ROBO2: variants seen among roughly 807,000 people sequenced by gnomAD.
The protein encoded by ROBO2 is roundabout guidance receptor 2, also known as roundabout homolog 2.
A neutral mutation model predicts 160.8 loss-of-function variants in ROBO2; 53 were observed. The ratio of observed to expected loss-of-function variants is 0.33; its 90% CI spans 0.26 to 0.41. ROBO2 has a LOEUF of 0.41. Among genes scored for constraint, ROBO2 ranks in the 10% least tolerant of loss-of-function variants. ROBO2 has a pLI of 1.00. For synonymous variants in ROBO2, 664 were observed against 611.7 expected (o/e 1.09, Z -1.26); for missense variants, 1,577 against 1,722.4 (o/e 0.92, Z 1.49).
intron 2 of ROBO2, among the ~76,000 whole-genome samples, chr3:76,153,933 A>G (rs1384452447): frequency 6.6e-6 from 1 of 152,144 alleles, no homozygotes; most frequent in African/African-American, 2.4e-5. Context: ...ATATGGATAT[A>G]TTGATAGTAC....
intron 6 of ROBO2, among the ~76,000 whole-genome samples, chr3:77,534,535 C>T (rs2091963163): frequency 6.6e-6 from 1 of 152,060 alleles, no homozygotes; most frequent in African/African-American, 2.4e-5. Flanking sequence ...TGTCATGATA[C>T]ATATACTGTA....
chr3:77,591,820 A>T (rs1204387860), intron 17 of ROBO2, among the ~76,000 whole-genome samples: 1 of 152,134 alleles, frequency 6.6e-6, no homozygotes, highest in Non-Finnish European at 1.5e-5. Flanking sequence ...CAAGGCAAAC[A>T]CTTATTTGAA....
At chr3:76,776,454 G>T (rs1258843183) in intron 2 of ROBO2, among the ~76,000 whole-genome samples, 1 of 150,832 alleles carries the variant, frequency 6.6e-6, no homozygotes, top group East Asian at 2.0e-4. Context: ...CCAACTAAAA[G>T]GAAGATTGGT....
intron 2 of ROBO2, among the ~76,000 whole-genome samples, chr3:76,127,230 G>C (rs1383568702): frequency 6.6e-6 from 1 of 152,098 alleles, no homozygotes; most frequent in Non-Finnish European, 1.5e-5. Context: ...AACTCCACCA[G>C]TGGTAATTTG....
intron 2 of ROBO2, among the ~76,000 whole-genome samples, chr3:76,169,260 T>C (rs1442665293): frequency 1.3e-5 from 2 of 152,172 alleles, no homozygotes; most frequent in Admixed American, 6.5e-5. Context: ...GCCAACTGGA[T>C]AATCAAAGAA....
At chr3:76,199,521 C>T (rs889294155) in intron 2 of ROBO2, among the ~76,000 whole-genome samples, 1 of 152,062 alleles carries the variant, frequency 6.6e-6, no homozygotes, top group Non-Finnish European at 1.5e-5. Flanking sequence ...AAAATAACCC[C>T]GTATTGTTCA....
intron 2 of ROBO2, among the ~76,000 whole-genome samples, chr3:76,665,847 G>C (rs1188346053): frequency 1.4e-5 from 2 of 144,874 alleles, no homozygotes; most frequent in Non-Finnish European, 1.5e-5. Context: ...TAAAAATATT[G>C]TGTGATTGTA....
chr3:77,594,612 G>A (rs1216364506), intron 17 of ROBO2, among the ~76,000 whole-genome samples: 1 of 152,118 alleles, frequency 6.6e-6, no homozygotes, highest in Non-Finnish European at 1.5e-5. Context: ...CACACCTGTT[G>A]TAATTATCAC....
At chr3:76,714,517 A>C (rs1228745029) in intron 2 of ROBO2, among the ~76,000 whole-genome samples, 1 of 152,194 alleles carries the variant, frequency 6.6e-6, no homozygotes, top group African/African-American at 2.4e-5. Context: ...AAAAGGCATC[A>C]ATCAGAAAAT....
chr3:77,159,516 T>G (rs2078305465), intron 2 of ROBO2, among the ~76,000 whole-genome samples: 1 of 152,180 alleles, frequency 6.6e-6, no homozygotes, highest in African/African-American at 2.4e-5. Context: ...GCCTGGTCAG[T>G]AGAACTTGTA....
At chr3:76,249,886 AC>A (rs1705881426) in intron 2 of ROBO2, among the ~76,000 whole-genome samples, 1 of 152,118 alleles carries the variant, frequency 6.6e-6, no homozygotes, top group Non-Finnish European at 1.5e-5. Context: ...GTCTTTACAT[AC>A]ATTGGAAATC....
chr3:76,432,852 G>A (rs1311389549), intron 2 of ROBO2, among the ~76,000 whole-genome samples: 1 of 151,624 alleles, frequency 6.6e-6, no homozygotes, highest in East Asian at 1.9e-4. Flanking sequence ...AAAGAGGAAG[G>A]AAGGAAGGAA....
intron 2 of ROBO2, among the ~76,000 whole-genome samples, chr3:76,274,500 C>G (rs1707802323): frequency 6.6e-6 from 1 of 151,978 alleles, no homozygotes; most frequent in South Asian, 2.1e-4. Context: ...CTATGAAATA[C>G]AGATTGTTAT....
chr3:76,169,900 C>T (rs1575738020), intron 2 of ROBO2, among the ~76,000 whole-genome samples: 1 of 152,122 alleles, frequency 6.6e-6, no homozygotes, highest in African/African-American at 2.4e-5. Context: ...CCTGCCTCAG[C>T]CTCCCGAGTA....
chr3:76,212,023 C>T (rs1480797579), intron 2 of ROBO2, among the ~76,000 whole-genome samples: 3 of 151,782 alleles, frequency 2.0e-5, no homozygotes, highest in Non-Finnish European at 4.4e-5. Flanking sequence ...TCTAGAAATA[C>T]ATTTATGCAT....
At chr3:76,084,890 G>A (rs2068954315) in intron 2 of ROBO2, among the ~76,000 whole-genome samples, 1 of 152,046 alleles carries the variant, frequency 6.6e-6, no homozygotes, top group Non-Finnish European at 1.5e-5. Flanking sequence ...CCTAGCTTAA[G>A]TAAATTAATA....
chr3:76,642,136 A>G (rs181650347), intron 2 of ROBO2, among the ~76,000 whole-genome samples: 14 of 152,258 alleles, frequency 9.2e-5, no homozygotes, highest in Admixed American at 3.3e-4. Flanking sequence ...AAATTGTTTT[A>G]GTCCTATGAC....
At chr3:75,937,841 T>TTATATATA (rs1158457510) in intron 2 of ROBO2, among the ~76,000 whole-genome samples, 4,785 of 105,162 alleles carry the variant, frequency 0.046, 171 homozygotes, top group African/African-American at 0.071. Flanking sequence ...GGAATTGATT[T>TTATATATA]TATATATATA....
intron 2 of ROBO2, among the ~76,000 whole-genome samples, chr3:76,105,401 G>A (rs1282801858): frequency 6.6e-6 from 1 of 152,126 alleles, no homozygotes; most frequent in Non-Finnish European, 1.5e-5. Context: ...ATGTTGAACT[G>A]TAGTAAGACT....
Sources: allele counts gnomAD v4.1 joint callset (sites outside exome capture counted in the v4.1 genomes callset), GRCh38; gene constraint gnomAD v4.1.1; transcripts MANE v1.5; gene names NCBI Gene and HGNC (gene_info 2026-07-23, HGNC 2026-07-21).